The following CCL25 variants were observed in gnomAD, a reference collection of about 807,000 sequenced individuals.
The protein encoded by CCL25 is C-C motif chemokine ligand 25, also known as C-C motif chemokine 25.
In CCL25, 14 loss-of-function variants were observed where a neutral mutation model predicts 19.9. That is an observed-to-expected ratio of 0.70 (90% CI 0.47 to 1.10). The LOEUF (loss-of-function observed/expected upper bound fraction) is 1.10, where lower values mean the gene tolerates loss of function less well. Ranked by LOEUF, CCL25 falls within the 50% of genes least tolerant of loss-of-function variation. The probability of loss-of-function intolerance (pLI) is 0.00; values close to 1 mark genes in which losing one functional copy is unlikely to be tolerated. For missense variants in CCL25, 151 were observed against 181.2 expected (o/e 0.83, Z 0.96); for synonymous variants, 68 against 73.2 (o/e 0.93, Z 0.36).
Position 8,057,901 on chromosome 19 carries a change from C to A in CCL25, c.426C>A (p.Leu142=), listed in dbSNP as rs1176785062. The A allele has an allele frequency of 6.2e-7, 1 of 1,612,766 alleles. No individual in the cohort carries two copies. The highest frequency in any genetic ancestry group is 2.2e-5 in the East Asian group (1 of 44,812). ...GCAGCAGTAAGAGGAATGTCTCCCTCCTGATATCAGCTAATTCAGGTAAGG... is the reference window on the plus strand; with the variant it reads ...GCAGCAGTAAGAGGAATGTCTCCCTACTGATATCAGCTAATTCAGGTAAGG... The part of the protein sequence containing the change: ...PISSSKRNVS[L]LISANSGL Residue 142 remains leucine (L), a synonymous_variant, in exon 5 of 6, where the codon CTC becomes CTA. Coordinates refer to ENST00000315626, the MANE Select transcript of CCL25 (RefSeq NM_005624.4).
At chr19:8,055,397 G>A (rs1189888825) in intron 2 of CCL25, among the ~76,000 whole-genome samples, 4 of 148,968 alleles carry the variant, frequency 2.7e-5, no homozygotes, top group South Asian at 2.1e-4. Flanking sequence ...GTGCAGTGGC[G>A]CGATCTCGGC....
chr19:8,059,174 A>G (rs868389345), intron 5 of CCL25, among the ~76,000 whole-genome samples: 1 of 121,810 alleles, frequency 8.2e-6, no homozygotes, highest in Non-Finnish European at 1.6e-5. Context: ...TATAATATAT[A>G]TAATATATAA....
intron 5 of CCL25, among the ~76,000 whole-genome samples, chr19:8,059,400 T>C (rs1412974711): frequency 1.3e-5 from 2 of 151,158 alleles, no homozygotes; most frequent in East Asian, 1.9e-4. Flanking sequence ...GGTTTCGTCA[T>C]GTTGCTTAGG....
At chr19:8,057,665 G>T in intron 4 of CCL25, 136 bp from the exon 5 acceptor site, 1 of 1,329,290 alleles carries the variant, frequency 7.5e-7, no homozygotes, top group East Asian at 2.8e-5. Context: ...ACTTTCCACT[G>T]GTACAGATGG....
intron 4 of CCL25, 54 bp downstream of exon 4, chr19:8,056,553 C>T (rs1913936690): frequency 3.1e-6 from 5 of 1,603,450 alleles, no homozygotes; most frequent in African/African-American, 2.7e-5. Context: ...TGCCTGCAAG[C>T]CCATGTGTGG....
chr19:8,053,067 G>T lies in CCL25; in HGVS notation c.18G>T (p.Leu6=). Residue 6 remains leucine (L), a synonymous_variant, in exon 2 of 6, where the codon CTG becomes CTT. Transcript: ENST00000315626. MNLWL[L]ACLVAGFLGA... is the part of the protein sequence containing the mutation. ...CCTGCAGCATGAACCTGTGGCTCCT[G>T]GCCTGCCTGGTGGCCGGCTTCCTGG... is the stretch of plus-strand genomic sequence containing the variant. The T allele has an allele frequency of 6.4e-7, 1 of 1,552,884 alleles. No homozygotes were observed.
At chr19:8,057,279 CA>C (rs1408891043) in intron 4 of CCL25, among the ~76,000 whole-genome samples, 1 of 151,932 alleles carries the variant, frequency 6.6e-6, no homozygotes, top group African/African-American at 2.4e-5. Context: ...CTTGGCCTCC[CA>C]AAGCACTGGG....
chr19:8,056,525 T>G (rs948279510), intron 4 of CCL25, 26 bp downstream of exon 4: 3 of 1,613,276 alleles, frequency 1.9e-6, no homozygotes, highest in Non-Finnish European at 2.5e-6. Context: ...GCTGGGCATC[T>G]AGGGGGCCTG....
intron 5 of CCL25, among the ~76,000 whole-genome samples, chr19:8,060,982 ATTT>A (rs68112327): frequency 7.4e-5 from 7 of 95,152 alleles, no homozygotes; most frequent in Non-Finnish European, 6.0e-5. Flanking sequence ...GCCCGGCCTA[ATTT>A]TTTTTTTTTT....
chr19:8,059,489 G>A (rs2081303636), intron 5 of CCL25, among the ~76,000 whole-genome samples: 1 of 151,964 alleles, frequency 6.6e-6, no homozygotes, highest in Admixed American at 6.6e-5. Flanking sequence ...ATGAGCCACT[G>A]TGTCCAGCTG....
intron 4 of CCL25, 31 bp downstream of exon 4, chr19:8,056,530 G>T (rs1260725841): frequency 1.2e-6 from 2 of 1,612,824 alleles, no homozygotes; most frequent in Non-Finnish European, 1.7e-6. Context: ...GCATCTAGGG[G>T]GCCTGCCCTC....
At chr19:8,060,982 A>ATT (rs68112327) in intron 5 of CCL25, among the ~76,000 whole-genome samples, 10,671 of 95,066 alleles carry the variant, frequency 0.11, 951 homozygotes, top group Admixed American at 0.16. Flanking sequence ...GCCCGGCCTA[A>ATT]TTTTTTTTTT....
At chr19:8,059,166 TA>T (rs375679153) in intron 5 of CCL25, among the ~76,000 whole-genome samples, 3 of 104,804 alleles carry the variant, frequency 2.9e-5, no homozygotes, top group South Asian at 2.7e-4. Flanking sequence ...ATATAATATA[TA>T]ATATATATAA....
At chr19:8,052,525 G>A (rs903872662), upstream of CCL25, among the ~76,000 whole-genome samples, 1 of 148,264 alleles carries the variant, frequency 6.7e-6, no homozygotes, top group African/African-American at 2.4e-5. Flanking sequence ...GTGCAGGTGA[G>A]GGAAACAGGG....
chr19:8,060,559 G>A (rs746125989), intron 5 of CCL25, among the ~76,000 whole-genome samples: 2 of 151,886 alleles, frequency 1.3e-5, no homozygotes, highest in African/African-American at 2.4e-5. Context: ...CACTCTCTCC[G>A]CCAGGCTGGA....
intron 5 of CCL25, among the ~76,000 whole-genome samples, chr19:8,058,579 TA>T (rs1469526498): frequency 8.5e-6 from 1 of 117,408 alleles, no homozygotes; most frequent in African/African-American, 3.0e-5. Context: ...ATATAATATA[TA>T]AATATATAAT....
upstream of CCL25, among the ~76,000 whole-genome samples, chr19:8,052,489 G>A (rs1019672527): frequency 6.6e-6 from 1 of 151,802 alleles, no homozygotes; most frequent in Non-Finnish European, 1.5e-5. Context: ...AGCCTTGTTC[G>A]CAGGCAGCCA....
At chr19:8,062,155 C>G in intron 5 of CCL25, 63 bp from the exon 6 acceptor site, 1 of 1,549,864 alleles carries the variant, frequency 6.5e-7, no homozygotes, top group South Asian at 1.1e-5. Flanking sequence ...GAGACAAATG[C>G]ATATAGTTAC....
chr19:8,061,129 T>G (rs1188460233), intron 5 of CCL25, among the ~76,000 whole-genome samples: 1 of 151,670 alleles, frequency 6.6e-6, no homozygotes, highest in Non-Finnish European at 1.5e-5. Context: ...GCTGGGATCA[T>G]AGGCATGCAC....
Sources: allele counts gnomAD v4.1 joint callset (sites outside exome capture counted in the v4.1 genomes callset), GRCh38; gene constraint gnomAD v4.1.1; transcripts MANE v1.5; gene names NCBI Gene and HGNC (gene_info 2026-07-23, HGNC 2026-07-21).